GRID2: variants seen among roughly 807,000 people sequenced by gnomAD.
GRID2 encodes glutamate ionotropic receptor delta type subunit 2.
Under a neutral mutation model 114.8 loss-of-function variants are expected in GRID2, and 33 were observed. The observed-to-expected ratio is 0.29, with a 90% CI of 0.22 to 0.38. GRID2 has a LOEUF of 0.38. Among genes scored for constraint, GRID2 ranks in the 10% least tolerant of loss-of-function variants. The pLI is 1.00. For synonymous variants in GRID2, 505 were observed against 449.9 expected (o/e 1.12, Z -1.55); for missense variants, 1,184 against 1,257.7 (o/e 0.94, Z 0.89).
chr4:92,421,548 A>G (rs367838987), intron 1 of GRID2, among the ~76,000 whole-genome samples: 7 of 152,152 alleles, frequency 4.6e-5, no homozygotes, highest in African/African-American at 1.4e-4. Flanking sequence ...TGTAAGATCT[A>G]TCTGCTGTAG....
At chr4:92,979,475 C>T (rs576548461) in intron 2 of GRID2, among the ~76,000 whole-genome samples, 1 of 152,064 alleles carries the variant, frequency 6.6e-6, no homozygotes, top group East Asian at 1.9e-4. Context: ...TTTTTCAGGC[C>T]TATGAATAAA....
At chr4:93,053,614 A>G (rs1243810569) in intron 2 of GRID2, among the ~76,000 whole-genome samples, 2 of 152,000 alleles carry the variant, frequency 1.3e-5, no homozygotes, top group Non-Finnish European at 2.9e-5. Context: ...TTTCTTAGAA[A>G]AATTGGTGTT....
chr4:93,138,739 C>A (rs986347114), intron 4 of GRID2, among the ~76,000 whole-genome samples: 5 of 152,122 alleles, frequency 3.3e-5, no homozygotes, highest in African/African-American at 1.2e-4. Context: ...TTTGTGAGTC[C>A]CAAGTTTCTT....
intron 8 of GRID2, among the ~76,000 whole-genome samples, chr4:93,370,610 T>C (rs900804213): frequency 6.6e-6 from 1 of 152,148 alleles, no homozygotes; most frequent in Non-Finnish European, 1.5e-5. Context: ...GATCAGAGTG[T>C]TCTTCCCTCT....
chr4:92,774,577 C>CTTTT (rs1166044188), intron 2 of GRID2, among the ~76,000 whole-genome samples: 56 of 106,356 alleles, frequency 5.3e-4, no homozygotes, highest in East Asian at 8.1e-4. Flanking sequence ...TTTTTCTTTC[C>CTTTT]TTTTTTTTTT....
chr4:93,527,985 T>A (rs559784319), intron 13 of GRID2, among the ~76,000 whole-genome samples: 20 of 152,284 alleles, frequency 1.3e-4, no homozygotes, highest in Admixed American at 1.2e-3. Context: ...ACGGGCTTTC[T>A]TCACTTAGCA....
At chr4:92,750,701 C>T (rs1578142446) in intron 2 of GRID2, among the ~76,000 whole-genome samples, 1 of 152,086 alleles carries the variant, frequency 6.6e-6, no homozygotes, top group African/African-American at 2.4e-5. Flanking sequence ...TTCTATGTTA[C>T]AAAAAGTGTT....
chr4:92,990,198 CTGTGTGTGTGTGTGTG>C (rs3970985), intron 2 of GRID2, among the ~76,000 whole-genome samples: 3,382 of 124,778 alleles, frequency 0.027, 60 homozygotes, highest in South Asian at 0.056. Flanking sequence ...TTAACATTTT[CTGTGTGTGTGTGTGTG>C]TGTGTGTGTG....
chr4:93,180,560 C>A (rs1392466826), intron 4 of GRID2, among the ~76,000 whole-genome samples: 4 of 152,112 alleles, frequency 2.6e-5, no homozygotes, highest in Non-Finnish European at 5.9e-5. Flanking sequence ...GCATGCCATG[C>A]TATTTGATAG....
At chr4:93,514,497 T>G (rs904845324) in intron 12 of GRID2, among the ~76,000 whole-genome samples, 3 of 143,878 alleles carry the variant, frequency 2.1e-5, no homozygotes, top group Non-Finnish European at 4.6e-5. Flanking sequence ...AATATAGAAA[T>G]AACAACCAGT....
chr4:93,749,288 A>G (rs775965846), intron 14 of GRID2, among the ~76,000 whole-genome samples: 1 of 152,200 alleles, frequency 6.6e-6, no homozygotes, highest in Non-Finnish European at 1.5e-5. Context: ...TAGAGGAATG[A>G]CTGAATTAAA....
chr4:93,079,956 A>G (rs1456851919), intron 2 of GRID2, among the ~76,000 whole-genome samples: 1 of 152,166 alleles, frequency 6.6e-6, no homozygotes, highest in Non-Finnish European at 1.5e-5. Flanking sequence ...TCCTAAGTAG[A>G]TAATTATGAT....
chr4:93,180,004 T>C (rs1739731864), intron 4 of GRID2, among the ~76,000 whole-genome samples: 1 of 152,082 alleles, frequency 6.6e-6, no homozygotes, highest in Non-Finnish European at 1.5e-5. Flanking sequence ...GTTCTCTCAT[T>C]ACTGAACTTC....
chr4:93,332,055 A>G (rs1035876978), intron 8 of GRID2, among the ~76,000 whole-genome samples: 4 of 152,138 alleles, frequency 2.6e-5, no homozygotes, highest in African/African-American at 9.7e-5. Flanking sequence ...TAAACTGAGA[A>G]ATATAAGACT....
At chr4:93,320,105 G>A (rs1332124528) in intron 8 of GRID2, among the ~76,000 whole-genome samples, 1 of 152,036 alleles carries the variant, frequency 6.6e-6, no homozygotes, top group African/African-American at 2.4e-5. Context: ...CAAACAAAAG[G>A]ATCTGTATGG....
intron 14 of GRID2, among the ~76,000 whole-genome samples, chr4:93,737,887 G>T (rs1380270056): frequency 1.3e-5 from 2 of 152,198 alleles, no homozygotes; most frequent in African/African-American, 4.8e-5. Context: ...CATCTTTATT[G>T]TCTTATTGCA....
chr4:93,328,763 C>G (rs1553910689), intron 8 of GRID2, among the ~76,000 whole-genome samples: 1 of 151,274 alleles, frequency 6.6e-6, no homozygotes. Flanking sequence ...AAATGATACT[C>G]AGGTGGAGCT....
In GRID2 at chr4:93,733,111, C is replaced by A. The variant is rs1027995664; in HGVS notation, c.2361-36099C>A. On this transcript the variant is annotated intron_variant, in intron 14 of 15. Transcript: ENST00000282020. ...TAATTTTTATTGCTGTTACTTCACCCTACCATCAAATTAGGGAGGCTTTCT... is the reference window on the plus strand; with the variant it reads ...TAATTTTTATTGCTGTTACTTCACCATACCATCAAATTAGGGAGGCTTTCT... Among the ~76,000 whole-genome samples the A allele has an allele frequency of 2.0e-5, 3 of 152,066 alleles. No individual in the cohort carries two copies. In the South Asian group the frequency reaches 6.2e-4, roughly 32 times the overall value.
intron 7 of GRID2, among the ~76,000 whole-genome samples, chr4:93,237,691 A>C (rs1345055197): frequency 6.6e-6 from 1 of 151,892 alleles, no homozygotes; most frequent in African/African-American, 2.4e-5. Context: ...AGAAAGAGAG[A>C]AGTATGACCT....
Sources: gnomAD v4.1 joint callset for allele counts (sites outside exome capture counted in the v4.1 genomes callset) on GRCh38, gnomAD v4.1.1 for gene constraint, MANE v1.5 for transcripts, NCBI Gene and HGNC (gene_info 2026-07-23, HGNC 2026-07-21) for gene names.